Variants in ZNF469 observed in about 807,000 individuals in gnomAD.
The protein encoded by ZNF469 is zinc finger protein 469.
A neutral mutation model predicts 1.0 loss-of-function variants in ZNF469; 1 was observed. The observed-to-expected ratio is 1.00, with a 90% CI of 0.35 to 4.73. The LOEUF (loss-of-function observed/expected upper bound fraction) is 4.73, where lower values mean the gene tolerates loss of function less well. Ranked by LOEUF, ZNF469 falls within the 30% of genes most tolerant of loss-of-function variation. The probability of loss-of-function intolerance (pLI) is 0.16; values close to 1 mark genes in which losing one functional copy is unlikely to be tolerated. For synonymous variants in ZNF469, 2,703 were observed against 2,363.4 expected (o/e 1.14, Z -4.17); for missense variants, 6,100 against 5,356.3 (o/e 1.14, Z -4.33).
the ZNF469 span, among the ~76,000 whole-genome samples, chr16:88,160,435 T>C: frequency 1 from 152,046 of 152,316 alleles, 75,888 homozygotes; most frequent in Middle Eastern, 1. Flanking sequence ...TGCACTGGAA[T>C]GTGCTTGGGG....
Position 88,439,129 on chromosome 16 carries a change from A to T in ZNF469, c.11659A>T (p.Arg3887Trp), listed in dbSNP as rs1567518052. Residue 3887 changes from arginine (R) to tryptophan (W), a missense_variant, in exon 3 of 3, where the codon AGG becomes TGG. Coordinates refer to ENST00000565624, the MANE Select transcript of ZNF469 (RefSeq NM_001367624.2). ...QRKAEPGHTQ[R>W]KDRLGKAFPQ... ...GAAGGCAGAGCCGGGCCACACACAG[A>T]GGAAGGACAGACTGGGCAAGGCCTT... The T allele has an allele frequency of 3.2e-6, 5 of 1,550,866 alleles. No individual in the cohort carries two copies. The highest frequency in any genetic ancestry group is 3.5e-6 in the Non-Finnish European group (4 of 1,146,982).
At chr16:88,234,069 C>T in the ZNF469 span, among the ~76,000 whole-genome samples, 4 of 152,280 alleles carry the variant, frequency 2.6e-5, no homozygotes, top group Admixed American at 2.0e-4. Flanking sequence ...GGGCTGCAGG[C>T]GCTGGGTGAT....
At chr16:88,360,664 A>T in the ZNF469 span, among the ~76,000 whole-genome samples, 13 of 110,924 alleles carry the variant, frequency 1.2e-4, no homozygotes, top group African/African-American at 2.7e-4. Flanking sequence ...GCTCCCTCAA[A>T]GGCAGTCCAC....
the ZNF469 span, among the ~76,000 whole-genome samples, chr16:88,282,506 T>G: frequency 6.6e-6 from 1 of 152,062 alleles, no homozygotes; most frequent in Admixed American, 6.5e-5. Context: ...GAGGTAATCA[T>G]CCTTCAGATG....
chr16:88,381,391 C>A (rs1404896535), upstream of ZNF469, among the ~76,000 whole-genome samples: 1 of 150,384 alleles, frequency 6.6e-6, no homozygotes, highest in African/African-American at 2.5e-5. Flanking sequence ...CATGCATTCA[C>A]ACACACGCAC....
chr16:88,117,607 G>GGGGAGGTGCCACGTGCCTTCGGGGACCA, the ZNF469 span, among the ~76,000 whole-genome samples: 1 of 148,816 alleles, frequency 6.7e-6, no homozygotes, highest in Non-Finnish European at 1.5e-5. Context: ...TTCGGGGACC[G>GGGGAGGTGCCACGTGCCTTCGGGGACCA]TGGAGGTGCC....
the ZNF469 span, among the ~76,000 whole-genome samples, chr16:88,123,888 C>G: frequency 2.0e-5 from 3 of 152,154 alleles, no homozygotes; most frequent in Non-Finnish European, 1.5e-5. Context: ...ACTGCAAACT[C>G]CGTCTCCCAG....
At chr16:88,405,049 C>G (rs750318554) in intron 1 of ZNF469, among the ~76,000 whole-genome samples, 2 of 152,122 alleles carry the variant, frequency 1.3e-5, no homozygotes, top group African/African-American at 2.4e-5. Flanking sequence ...TCAGCCCTCC[C>G]GGAACCACAT....
the ZNF469 span, among the ~76,000 whole-genome samples, chr16:88,331,465 T>C: frequency 0.32 from 45,451 of 139,964 alleles, 6,931 homozygotes; most frequent in South Asian, 0.51. Context: ...CCATCATCAC[T>C]ACCACCATCA....
chr16:88,313,142 C>T, the ZNF469 span, among the ~76,000 whole-genome samples: 1 of 152,148 alleles, frequency 6.6e-6, no homozygotes, highest in Non-Finnish European at 1.5e-5. Context: ...TCCAAGTTCC[C>T]TTCATGTGGC....
the ZNF469 span, among the ~76,000 whole-genome samples, chr16:88,368,239 C>T: frequency 6.6e-6 from 1 of 152,238 alleles, no homozygotes; most frequent in African/African-American, 2.4e-5. Flanking sequence ...CGGAGCCAGT[C>T]ACAGCCTCCA....
the ZNF469 span, among the ~76,000 whole-genome samples, chr16:88,330,037 C>A: frequency 3.2e-3 from 480 of 152,360 alleles, 4 homozygotes; most frequent in African/African-American, 0.011. Flanking sequence ...AGCCTGATGC[C>A]ATCCACATGA....
chr16:88,345,584 GC>G, the ZNF469 span, among the ~76,000 whole-genome samples: 1 of 152,108 alleles, frequency 6.6e-6, no homozygotes, highest in Non-Finnish European at 1.5e-5. Context: ...GGCTGGCATG[GC>G]AGAACCCACA....
At chr16:88,243,163 G>A in the ZNF469 span, among the ~76,000 whole-genome samples, 1 of 152,172 alleles carries the variant, frequency 6.6e-6, no homozygotes, top group Non-Finnish European at 1.5e-5. Context: ...GTCCTTGGCT[G>A]GTGGCCAGCT....
chr16:88,380,412 C>T (rs1377929661), upstream of ZNF469, among the ~76,000 whole-genome samples: 3 of 148,086 alleles, frequency 2.0e-5, no homozygotes, highest in African/African-American at 5.1e-5. Context: ...CACAGACATG[C>T]ACTCACACAG....
the ZNF469 span, among the ~76,000 whole-genome samples, chr16:88,103,862 A>C: frequency 6.8e-6 from 1 of 146,662 alleles, no homozygotes; most frequent in Non-Finnish European, 1.5e-5. Context: ...GAGGGGGTGG[A>C]ATGATCCTCC....
chr16:88,308,213 C>G, the ZNF469 span, among the ~76,000 whole-genome samples: 4 of 152,222 alleles, frequency 2.6e-5, no homozygotes, highest in Non-Finnish European at 4.4e-5. Context: ...TGTGTTTATG[C>G]CAGCTCTTGA....
intron 1 of ZNF469, among the ~76,000 whole-genome samples, chr16:88,398,383 C>T (rs59370775): frequency 0.26 from 38,645 of 150,070 alleles, 5,431 homozygotes; most frequent in African/African-American, 0.4. Flanking sequence ...CCGTGAGCCA[C>T]GGATGAAGGG....
the ZNF469 span, among the ~76,000 whole-genome samples, chr16:88,342,164 C>G: frequency 6.6e-6 from 1 of 152,126 alleles, no homozygotes; most frequent in African/African-American, 2.4e-5. Flanking sequence ...GCCCTTCGCC[C>G]CCCAGCACCT....
Sources: gnomAD v4.1 joint callset for allele counts (sites outside exome capture counted in the v4.1 genomes callset) on GRCh38, gnomAD v4.1.1 for gene constraint, MANE v1.5 for transcripts, NCBI Gene and HGNC (gene_info 2026-07-23, HGNC 2026-07-21) for gene names.